The following COL8A2 variants were observed in gnomAD, a reference collection of about 807,000 sequenced individuals.
The protein encoded by COL8A2 is collagen alpha-2(VIII) chain.
In COL8A2, 16 loss-of-function variants were observed where a neutral mutation model predicts 24.0. The observed-to-expected ratio is 0.67, with a 90% confidence interval of 0.45 to 1.01. COL8A2 has a LOEUF of 1.01. Ranked by LOEUF, COL8A2 falls within the 50% of genes least tolerant of loss-of-function variation. The pLI is 0.00. For missense variants in COL8A2, 818 were observed against 942.4 expected, an observed-to-expected ratio of 0.87 and a Z score of 1.73; for synonymous variants, 466 against 424.5, an observed-to-expected ratio of 1.10 and a Z score of -1.20.
rs1040762341 is a variant in COL8A2 at position 36,095,560 on chromosome 1, C to T, written c.*2009G>A. 1.3e-5 allele frequency: 2 copies of T among 152,148 alleles called. No homozygotes were observed. The highest frequency in any genetic ancestry group is 6.5e-5 in the Admixed American group (1 of 15,274). 9.4% of individuals were successfully genotyped at this position (152,148 alleles called of 1,614,324 possible). A position where few individuals can be genotyped will look rare whatever the true frequency, so the allele number is the denominator to read the frequency against. On this transcript the variant is annotated 3_prime_UTR_variant, in exon 4 of 4. Coordinates refer to ENST00000397799, the MANE Select transcript of COL8A2 (RefSeq NM_005202.4). ...GTCAGTTAAGTGGACACCTGCAACT[C>T]AAATCCCATAAACATTTTAGAAACG...
chr1:36,119,010 T>C (rs989004373), intron 1 of COL8A2, among the ~76,000 whole-genome samples: 3 of 152,184 alleles, frequency 2.0e-5, no homozygotes, highest in Non-Finnish European at 4.4e-5. Context: ...ATCAATGAAA[T>C]GGGAACTCCA....
rs1643575114 is a variant in COL8A2, at chr1:36,096,932, A to G, written c.*637T>C. On this transcript the variant is annotated 3_prime_UTR_variant, in exon 4 of 4. Coordinates refer to ENST00000397799, the MANE Select transcript of COL8A2 (RefSeq NM_005202.4). ...ACAAACTGCCTTCCCCATGGCTGCC[A>G]CTGGAGCAGTGAAAGGGAGGTTGCC... The G allele has an allele frequency of 6.5e-6, 1 of 153,100 alleles. No homozygotes were observed. The highest frequency in any genetic ancestry group is 1.5e-5 in the Non-Finnish European group (1 of 68,752). 9.5% of individuals were successfully genotyped at this position (153,100 alleles called of 1,614,324 possible).
rs1287498583 is a variant in COL8A2 at position 36,096,796 on chromosome 1, C to G, written c.*773G>C. 1.3e-5 allele frequency: 2 copies of G among 152,420 alleles called. No individual in the cohort carries two copies. Among genetic ancestry groups the G allele is most frequent in the African/African-American group, 4.8e-5 (2 of 41,444 alleles). 9.4% of individuals were successfully genotyped at this position (152,420 alleles called of 1,614,324 possible). A position where few individuals can be genotyped will look rare whatever the true frequency, so the allele number is the denominator to read the frequency against. The stretch of plus-strand genomic sequence containing the variant: ...TTCTGGCCTGTAGGTGTCCCAGGGG[C>G]CTCTGTGCTGCCCTCAAGCTAAACA... On this transcript the variant is annotated 3_prime_UTR_variant, in exon 4 of 4. Coordinates refer to ENST00000397799, the MANE Select transcript of COL8A2 (RefSeq NM_005202.4).
rs779228340 is a variant in COL8A2, at chr1:36,115,521, T to G, written c.-17+187A>C. ...CAAATGAGAAAAAGCTGCTTCCGAG[T>G]TGGGCCAGGGTTTTAAAGCCCGGGC... is the stretch of plus-strand genomic sequence containing the variant. On this transcript the variant is annotated intron_variant, in intron 2 of 3. Coordinates refer to ENST00000397799, the MANE Select transcript of COL8A2 (RefSeq NM_005202.4). The surrounding 1 kb of genome is among the most constrained non-coding windows in gnomAD (Gnocchi z 5.7). 6.6e-6 allele frequency among the ~76,000 whole-genome samples: 1 copy of G among 151,944 alleles called. No homozygotes were observed. The highest frequency in any genetic ancestry group is 6.5e-5 in the Admixed American group (1 of 15,272).
At chr1:36,110,810 A>C (rs906025098) in intron 2 of COL8A2, among the ~76,000 whole-genome samples, 2 of 152,130 alleles carry the variant, frequency 1.3e-5, no homozygotes, top group African/African-American at 4.8e-5. Flanking sequence ...AAACTTCTAA[A>C]GTCAATTTTC....
At chr1:36,124,883 G>C (rs934429866) in intron 1 of COL8A2, among the ~76,000 whole-genome samples, 174 bp downstream of exon 1, 1 of 152,086 alleles carries the variant, frequency 6.6e-6, no homozygotes, top group African/African-American at 2.4e-5. Flanking sequence ...CAGGGAACGG[G>C]ATGGGCTCCC....
Position 36,124,673 on chromosome 1 carries a change from C to T in COL8A2, c.-62+384G>A, listed in dbSNP as rs274126. Among the ~76,000 whole-genome samples the T allele has an allele frequency of 6.5e-3, 996 of 152,270 alleles. 16 individuals are homozygous for T. Among genetic ancestry groups the T allele is most frequent in the African/African-American group, 0.023 (953 of 41,554 alleles). ...GGATGCTAAGGCCCCTCACTCCCTC[C>T]TCTCTCCTCCACTACCCTGTGAAGG... On this transcript the variant is annotated intron_variant, in intron 1 of 3. Transcript: ENST00000397799.
rs1246602208 is a variant in COL8A2 at position 36,098,610 on chromosome 1, C to T, written c.1071G>A (p.Gly357=). The part of the protein sequence containing the change: ...EPGEQGPQGL[G]GPPGLPGSAG... ...CAGACCCAGGAAGTCCAGGGGGACC[C>T]CCAAGACCCTGTGGGCCCTGCTCCC... is the stretch of plus-strand genomic sequence containing the variant. The change falls in exon 4 of 4, where the codon GGG becomes GGA. Residue 357 remains glycine, a synonymous_variant. Coordinates refer to ENST00000397799, the MANE Select transcript of COL8A2 (RefSeq NM_005202.4). 6.2e-7 allele frequency: 1 copy of T among 1,611,250 alleles called. No individual in the cohort carries two copies. Among genetic ancestry groups the T allele is most frequent in the East Asian group, 2.2e-5 (1 of 44,798 alleles).
intron 1 of COL8A2, among the ~76,000 whole-genome samples, chr1:36,119,355 C>T (rs187058692): frequency 1.7e-4 from 26 of 152,262 alleles, no homozygotes; most frequent in East Asian, 1.5e-3. Context: ...CCCAAGTTCC[C>T]CCAGCCAGGG....
At chr1:36,116,064 A>C (rs1426511514) in intron 1 of COL8A2, among the ~76,000 whole-genome samples, 1 of 151,692 alleles carries the variant, frequency 6.6e-6, no homozygotes, top group Non-Finnish European at 1.5e-5. Flanking sequence ...GTCTCAAAAA[A>C]AAAAAAAAGG....
chr1:36,114,690 C>T (rs1398642239), intron 2 of COL8A2, among the ~76,000 whole-genome samples: 2 of 152,102 alleles, frequency 1.3e-5, no homozygotes, highest in Non-Finnish European at 2.9e-5. Context: ...TCCCCACCCA[C>T]ACCTCCCTCC....
At chr1:36,108,652 G>A (rs1481682184) in intron 2 of COL8A2, among the ~76,000 whole-genome samples, 1 of 152,154 alleles carries the variant, frequency 6.6e-6, no homozygotes, top group African/African-American at 2.4e-5. Context: ...CCTCCTCCCA[G>A]GGAGGCCAAG....
chr1:36,114,849 G>A (rs1643871563), intron 2 of COL8A2, among the ~76,000 whole-genome samples: 1 of 146,252 alleles, frequency 6.8e-6, no homozygotes, highest in South Asian at 2.2e-4. Flanking sequence ...CTCTTCCTGA[G>A]TCCTTCTTGG....
chr1:36,121,006 T>C (rs1381080343), intron 1 of COL8A2, among the ~76,000 whole-genome samples: 1 of 150,316 alleles, frequency 6.7e-6, no homozygotes, highest in Non-Finnish European at 1.5e-5. Context: ...GGAGAATCGC[T>C]TGAATCCAGG....
chr1:36,098,195 T>C lies in COL8A2; in HGVS notation c.1486A>G (p.Arg496Gly). 6.5e-7 allele frequency: 1 copy of C among 1,535,234 alleles called. No individual in the cohort carries two copies. The highest frequency in any genetic ancestry group is 8.8e-7 in the Non-Finnish European group (1 of 1,141,918). ...CCAGCCGTGCCAGGTTCCCCTGCTC[T>C]CCCCTCTCCAGGGGGCCCTGGCAGG... ...PGLPGPPGEG[R>G]AGEPGTAGPT... The change falls in exon 4 of 4, where the codon AGA becomes GGA. Residue 496 changes from arginine (R) to glycine (G), a missense_variant. Arg to Gly is a moderately radical substitution (Grantham distance 125). Coordinates refer to ENST00000397799, the MANE Select transcript of COL8A2 (RefSeq NM_005202.4).
rs1001408080 is a variant in COL8A2, at chr1:36,097,389, C to A, written c.*180G>T. 34 of 622,602 alleles carry A rather than the reference C, an allele frequency of 5.5e-5. No homozygotes were observed. Among genetic ancestry groups the A allele is most frequent in the Non-Finnish European group, 9.1e-5 (32 of 353,590 alleles). The allele number at this position is 622,602 out of a possible 1,614,324, so 38.6% of individuals were successfully genotyped here. ...TTTGGGGGAAAGAAACTCAGGCCAG[C>A]CCCTTCCAGAAACAATCTCAGCCTG... On this transcript the variant is annotated 3_prime_UTR_variant, in exon 4 of 4. Transcript: ENST00000397799.
intron 2 of COL8A2, among the ~76,000 whole-genome samples, chr1:36,102,664 G>GTTT (rs201487516): frequency 0.059 from 5,496 of 93,682 alleles, 647 homozygotes; most frequent in Non-Finnish European, 0.069. Flanking sequence ...TATAAAGCTG[G>GTTT]TTTTTTGTTT....
intron 2 of COL8A2, among the ~76,000 whole-genome samples, chr1:36,100,843 C>A (rs1409290029): frequency 6.7e-6 from 1 of 148,548 alleles, no homozygotes; most frequent in Admixed American, 6.7e-5. Flanking sequence ...CCCTGCCACT[C>A]GCCTTTGGGA....
At chr1:36,110,513 G>A (rs1394046536) in intron 2 of COL8A2, among the ~76,000 whole-genome samples, 1 of 139,768 alleles carries the variant, frequency 7.2e-6, no homozygotes, top group Non-Finnish European at 1.5e-5. Context: ...CACCCAAGCT[G>A]GAGTGCAGTG....
Sources: gnomAD v4.1 joint callset for allele counts (sites outside exome capture counted in the v4.1 genomes callset) on GRCh38, gnomAD v4.1.1 for gene constraint, Gnocchi (gnomAD v3.1) non-coding constraint, MANE v1.5 for transcripts, NCBI Gene and HGNC (gene_info 2026-07-23, HGNC 2026-07-21) for gene names.